TTLL3: variants seen among roughly 807,000 people sequenced by gnomAD.
The protein encoded by TTLL3 is tubulin monoglycylase TTLL3.
In TTLL3, 63 loss-of-function variants were observed where a neutral mutation model predicts 75.2. The observed-to-expected ratio is 0.84, with a 90% CI of 0.68 to 1.03. The LOEUF is 1.03. Ranked by LOEUF, TTLL3 falls within the 50% of genes least tolerant of loss-of-function variation. TTLL3 has a pLI of 0.00. For missense variants in TTLL3, 997 were observed against 1,069.9 expected, an observed-to-expected ratio of 0.93 and a Z score of 0.95; for synonymous variants, 393 against 418.5, an observed-to-expected ratio of 0.94 and a Z score of 0.74.
chr3:9,819,586 C>T, intron 7 of TTLL3: 4 of 985,800 alleles, frequency 4.1e-6, no homozygotes, highest in Non-Finnish European at 4.8e-6. Flanking sequence ...TAAGGAACAG[C>T]TTGGAGTGGA....
At chr3:9,834,611 G>GTA (rs1408169009) in intron 12 of TTLL3, 70 bp from the exon 13 acceptor site, 8 of 1,595,022 alleles carry the variant, frequency 5.0e-6, no homozygotes, top group Non-Finnish European at 6.8e-6. Flanking sequence ...TCCTCCACAC[G>GTA]TACCTGTTAG....
chr3:9,827,627 GGGCTCA>G, intron 10 of TTLL3: 2 of 239,364 alleles, frequency 8.4e-6, no homozygotes, highest in Non-Finnish European at 1.7e-5. Flanking sequence ...TCAAACTCCT[GGGCTCA>G]AGCGATCATC....
chr3:9,832,154 C>T (rs1358631222), intron 11 of TTLL3, among the ~76,000 whole-genome samples: 1 of 136,030 alleles, frequency 7.4e-6, no homozygotes, highest in Non-Finnish European at 1.5e-5. Context: ...GGTGCGATCT[C>T]GGCTCACTGC....
Position 9,810,314 on chromosome 3 carries a change from G to A in TTLL3, c.-122G>A. On this transcript the variant is annotated 5_prime_UTR_variant, in exon 1 of 14. Transcript: ENST00000685419. The surrounding 1 kb of genome is among the most constrained non-coding windows in gnomAD (Gnocchi z 4.4). ...GGCGCCTTCAAGACGCTGGTCCCAG[G>A]CACCCACGCCCAGGGCGCCTCGGAT... 1 of 1,483,746 alleles carries A rather than the reference G, an allele frequency of 6.7e-7. No homozygotes were observed. The highest frequency in any genetic ancestry group is 8.9e-7 in the Non-Finnish European group (1 of 1,128,560). 91.9% of individuals were successfully genotyped at this position (1,483,746 alleles called of 1,614,324 possible).
chr3:9,826,548 C>T (rs947146827), intron 9 of TTLL3, among the ~76,000 whole-genome samples: 2 of 151,946 alleles, frequency 1.3e-5, no homozygotes, highest in African/African-American at 4.8e-5. Context: ...GCCTGGCCAA[C>T]ATGGTGAAAC....
intron 4 of TTLL3, among the ~76,000 whole-genome samples, chr3:9,814,542 G>T (rs1457410042): frequency 1.3e-5 from 2 of 151,976 alleles, no homozygotes; most frequent in Non-Finnish European, 2.9e-5. Flanking sequence ...CAGCTACTTG[G>T]GAGGCTGAGG....
At chr3:9,809,833 C>T (rs946798407), upstream of TTLL3, 5 of 458,556 alleles carry the variant, frequency 1.1e-5, no homozygotes, top group Non-Finnish European at 1.8e-5. Flanking sequence ...CCCAACCAGC[C>T]CCGAGCGGTC....
intron 12 of TTLL3, 122 bp from the exon 13 acceptor site, chr3:9,834,559 G>A (rs1474351388): frequency 6.8e-7 from 1 of 1,466,030 alleles, no homozygotes; most frequent in Non-Finnish European, 9.3e-7. Flanking sequence ...GGAACCGGGA[G>A]GGCTCCGTCG....
chr3:9,821,692 G>A (rs533652341), intron 8 of TTLL3, among the ~76,000 whole-genome samples: 15 of 152,278 alleles, frequency 9.9e-5, no homozygotes, highest in East Asian at 5.8e-4. Flanking sequence ...ATGTAAAGCT[G>A]CCCATTTTAA....
At chr3:9,828,789 A>C in intron 10 of TTLL3, 171 bp from the exon 11 acceptor site, 1 of 830,440 alleles carries the variant, frequency 1.2e-6, no homozygotes, top group Admixed American at 2.9e-5. Flanking sequence ...GCCCTAGAAG[A>C]ATGTGGTGGG....
intron 8 of TTLL3, 143 bp from the exon 9 acceptor site, chr3:9,825,657 G>A (rs2080962669): frequency 6.8e-7 from 1 of 1,477,932 alleles, no homozygotes; most frequent in Non-Finnish European, 9.3e-7. Context: ...GGAGGCTTGG[G>A]AGGGACCTAT....
chr3:9,823,883 G>GT (rs2080763793), intron 8 of TTLL3, among the ~76,000 whole-genome samples: 1 of 152,246 alleles, frequency 6.6e-6, no homozygotes, highest in African/African-American at 2.4e-5. Flanking sequence ...GGGGTATTTT[G>GT]TGACTTGGTT....
rs2290302 is a variant in TTLL3 at position 9,829,093 on chromosome 3, A to C, written c.1381A>C (p.Asn461His). The C allele has an allele frequency of 1.1e-3, 1,737 of 1,614,218 alleles. 51 individuals carry two copies. The East Asian group carries it at 0.037, about 34-fold the overall frequency. ...CCACCTGCAGGAGATGGGTGCCCCAAATGCTTGGTCCACCATCATCGTGCC... is the reference window on the plus strand; with the variant it reads ...CCACCTGCAGGAGATGGGTGCCCCACATGCTTGGTCCACCATCATCGTGCC... Reference protein sequence around the residue: ...QAHLQEMGAPNAWSTIIVPGM... With the variant: ...QAHLQEMGAPHAWSTIIVPGM... Residue 461 changes from asparagine (N) to histidine (H), a missense_variant, in exon 11 of 14, where the codon AAT becomes CAT. Physicochemically the swap from Asn to His is moderately conservative, Grantham distance 68 (BLOSUM62 1). Transcript: ENST00000685419.
At chr3:9,824,188 G>C (rs543725906) in intron 8 of TTLL3, among the ~76,000 whole-genome samples, 11 of 152,316 alleles carry the variant, frequency 7.2e-5, no homozygotes, top group South Asian at 4.1e-4. Flanking sequence ...GGGGGTAGAT[G>C]ATGGGAAGAA....
chr3:9,823,533 C>T (rs2080722017), intron 8 of TTLL3, among the ~76,000 whole-genome samples: 2 of 148,218 alleles, frequency 1.3e-5, no homozygotes, highest in African/African-American at 5.0e-5. Context: ...ATTGTCATGT[C>T]GAATATACTT....
Position 9,810,679 on chromosome 3 carries a change from C to G in TTLL3, c.18C>G (p.Asn6Lys). The change falls in exon 2 of 14, where the codon AAC (asparagine) becomes AAG (lysine). Residue 6 changes from asparagine (N) to lysine (K), a missense_variant. Transcript: ENST00000685419. This position sits in a 1 kb window ranked among gnomAD's most constrained non-coding sequence, Gnocchi z 4.4. MNRLR[N>K]AKIYVERAVK... ...CGTCTCACATGAACCGGCTCAGAAA[C>G]GCCAAAATCTACGTGGAGAGAGCTG... 6.3e-7 allele frequency: 1 copy of G among 1,587,740 alleles called. No homozygotes were observed. Among genetic ancestry groups the G allele is most frequent in the South Asian group, 1.2e-5 (1 of 86,620 alleles).
At chr3:9,826,894 C>G (rs2081094963) in intron 9 of TTLL3, 103 bp from the exon 10 acceptor site, 4 of 1,561,770 alleles carry the variant, frequency 2.6e-6, no homozygotes, top group Middle Eastern at 2.0e-4. Flanking sequence ...GCCTTACCCA[C>G]TCAGCCCTAT....
chr3:9,825,710 G>A (rs767091305), intron 8 of TTLL3, 90 bp from the exon 9 acceptor site: 19 of 1,609,642 alleles, frequency 1.2e-5, no homozygotes, highest in Non-Finnish European at 1.4e-5. Flanking sequence ...CCTGGATGAC[G>A]GCGGGGGATG....
chr3:9,829,581 C>T (rs1189750366), intron 11 of TTLL3, among the ~76,000 whole-genome samples, 186 bp downstream of exon 11: 3 of 152,134 alleles, frequency 2.0e-5, no homozygotes, highest in Non-Finnish European at 4.4e-5. Context: ...GATATTATTA[C>T]CATCTTTCTC....
Sources: allele counts gnomAD v4.1 joint callset (sites outside exome capture counted in the v4.1 genomes callset), GRCh38; gene constraint gnomAD v4.1.1; non-coding constraint Gnocchi (gnomAD v3.1); transcripts MANE v1.5; gene names NCBI Gene and HGNC (gene_info 2026-07-23, HGNC 2026-07-21).